LSAMP: variants seen among roughly 807,000 people sequenced by gnomAD.
LSAMP encodes the protein limbic system associated membrane protein.
A neutral mutation model predicts 38.6 loss-of-function variants in LSAMP; 7 were observed. The observed-to-expected ratio is 0.18, with a 90% CI of 0.10 to 0.34. The LOEUF (loss-of-function observed/expected upper bound fraction) is 0.34. Among genes scored for constraint, LSAMP ranks in the 10% least tolerant of loss-of-function variants. The pLI, the probability that LSAMP is intolerant of heterozygous loss-of-function variation, is 1.00. For missense variants in LSAMP, 313 were observed against 420.0 expected (o/e 0.75, Z 2.23); for synonymous variants, 154 against 166.8 (o/e 0.92, Z 0.59).
chr3:115,937,984 T>C (rs1335532710), intron 3 of LSAMP, among the ~76,000 whole-genome samples: 1 of 152,220 alleles, frequency 6.6e-6, no homozygotes, highest in Non-Finnish European at 1.5e-5. Context: ...AAAAGGTTTT[T>C]ATTTAAACTA....
intron 1 of LSAMP, among the ~76,000 whole-genome samples, chr3:116,150,638 T>C (rs1023632514): frequency 2.6e-5 from 4 of 151,876 alleles, no homozygotes; most frequent in Non-Finnish European, 5.9e-5. Flanking sequence ...AGGAAGAGTT[T>C]GGTAAGTGAT....
At chr3:116,426,793 C>G (rs2049202380) in intron 1 of LSAMP, among the ~76,000 whole-genome samples, 1 of 151,840 alleles carries the variant, frequency 6.6e-6, no homozygotes, top group Non-Finnish European at 1.5e-5. Context: ...ATGGTGCTGT[C>G]AACAGCATAG....
intron 3 of LSAMP, among the ~76,000 whole-genome samples, chr3:115,934,177 A>T: frequency 5.1e-5 from 1 of 19,734 alleles, no homozygotes; most frequent in East Asian, 4.7e-3. Flanking sequence ...TTATTTTATT[A>T]TTTTATTTTA....
chr3:115,957,841 G>A (rs915631660), intron 3 of LSAMP, among the ~76,000 whole-genome samples: 1 of 152,118 alleles, frequency 6.6e-6, no homozygotes, highest in Non-Finnish European at 1.5e-5. Flanking sequence ...ATTTCCAAAG[G>A]TGAGTTATCA....
At chr3:115,968,256 A>T (rs1938891984) in intron 3 of LSAMP, among the ~76,000 whole-genome samples, 2 of 151,994 alleles carry the variant, frequency 1.3e-5, no homozygotes, top group Non-Finnish European at 1.5e-5. Flanking sequence ...CTCAAGCAGA[A>T]GGATTCCCTC....
At chr3:115,849,562 C>T (rs1233761302) in intron 4 of LSAMP, among the ~76,000 whole-genome samples, 1 of 152,062 alleles carries the variant, frequency 6.6e-6, no homozygotes, top group Non-Finnish European at 1.5e-5. Context: ...CATCCTGATC[C>T]CCTGACCTAA....
intron 4 of LSAMP, among the ~76,000 whole-genome samples, chr3:115,847,233 C>G (rs950301170): frequency 2.0e-5 from 3 of 152,208 alleles, no homozygotes; most frequent in African/African-American, 4.8e-5. Flanking sequence ...TTTGTCCTCT[C>G]TACGTGGGGA....
At chr3:116,115,741 T>A (rs1189273996) in intron 1 of LSAMP, among the ~76,000 whole-genome samples, 2 of 147,892 alleles carry the variant, frequency 1.4e-5, no homozygotes, top group East Asian at 3.8e-4. Context: ...TATAGAATTT[T>A]GAAGACATTT....
chr3:116,008,767 G>A (rs1011798262), intron 3 of LSAMP, among the ~76,000 whole-genome samples: 1 of 152,050 alleles, frequency 6.6e-6, no homozygotes, highest in African/African-American at 2.4e-5. Context: ...TACCAGATTG[G>A]TAGGAACGTG....
chr3:115,864,096 C>A (rs1363017019), intron 3 of LSAMP, among the ~76,000 whole-genome samples: 5 of 152,132 alleles, frequency 3.3e-5, no homozygotes, highest in Non-Finnish European at 7.4e-5. Flanking sequence ...AGGTCCAGTC[C>A]ACTTGGCCCC....
chr3:116,121,468 T>C (rs9283565), intron 1 of LSAMP, among the ~76,000 whole-genome samples: 19,393 of 152,228 alleles, frequency 0.13, 4,026 homozygotes, highest in African/African-American at 0.44. Context: ...AAGCTTCTTC[T>C]GTAATTAAGA....
intron 6 of LSAMP, among the ~76,000 whole-genome samples, chr3:115,839,302 C>CTTTT (rs1429587200): frequency 7.8e-6 from 1 of 127,694 alleles, no homozygotes; most frequent in African/African-American, 3.0e-5. Context: ...TCCTTCCTTC[C>CTTTT]TTCCTTCCTT....
chr3:116,172,476 G>T (rs1710225543), intron 1 of LSAMP, among the ~76,000 whole-genome samples: 2 of 151,730 alleles, frequency 1.3e-5, no homozygotes, highest in Admixed American at 1.3e-4. Context: ...TTGTTACTGG[G>T]GCTTCCCCAA....
intron 3 of LSAMP, among the ~76,000 whole-genome samples, chr3:115,874,945 A>T (rs1285567492): frequency 6.6e-6 from 1 of 152,122 alleles, no homozygotes; most frequent in Non-Finnish European, 1.5e-5. Context: ...TCCTCAAATT[A>T]AACAGACACA....
chr3:116,133,405 C>T (rs1709178329), intron 1 of LSAMP, among the ~76,000 whole-genome samples: 1 of 152,090 alleles, frequency 6.6e-6, no homozygotes. Context: ...ATCCTCCCAC[C>T]TCAGCCTCCA....
chr3:116,254,669 C>T (rs1286688050), intron 1 of LSAMP, among the ~76,000 whole-genome samples: 1 of 152,186 alleles, frequency 6.6e-6, no homozygotes, highest in Non-Finnish European at 1.5e-5. Flanking sequence ...AAAAAGCCAA[C>T]TTTCGCCTAT....
At chr3:116,078,973 T>A (rs955968795) in intron 2 of LSAMP, among the ~76,000 whole-genome samples, 29 of 152,168 alleles carry the variant, frequency 1.9e-4, no homozygotes, top group African/African-American at 6.0e-4. Flanking sequence ...CCAGGGCCTC[T>A]TAGTGGGGAA....
At chr3:116,336,170 A>G (rs987913361) in intron 1 of LSAMP, among the ~76,000 whole-genome samples, 3 of 152,044 alleles carry the variant, frequency 2.0e-5, no homozygotes, top group African/African-American at 4.8e-5. Flanking sequence ...AGCAAAAAAC[A>G]TAGGACAAAA....
chr3:115,977,469 T>C (rs1039462164), intron 3 of LSAMP, among the ~76,000 whole-genome samples: 1 of 152,216 alleles, frequency 6.6e-6, no homozygotes, highest in African/African-American at 2.4e-5. Flanking sequence ...TAATTTACCA[T>C]AGGTTCCTGC....
Sources: allele counts gnomAD v4.1 joint callset (sites outside exome capture counted in the v4.1 genomes callset), GRCh38; gene constraint gnomAD v4.1.1; transcripts MANE v1.5; gene names NCBI Gene and HGNC (gene_info 2026-07-23, HGNC 2026-07-21).